CRB1: variants seen among roughly 807,000 people sequenced by gnomAD.
The protein encoded by CRB1 is protein crumbs homolog 1.
In CRB1, 83 loss-of-function variants were observed where a neutral mutation model predicts 120.0. That is an observed-to-expected ratio of 0.69 (90% CI 0.58 to 0.83). The LOEUF is 0.83. Ranked by LOEUF, CRB1 falls within the 40% of genes least tolerant of loss-of-function variation. CRB1 has a pLI of 0.00. For synonymous variants in CRB1, 625 were observed against 612.5 expected, an observed-to-expected ratio of 1.02 and a Z score of -0.30; for missense variants, 1,699 against 1,687.6, an observed-to-expected ratio of 1.01 and a Z score of -0.12.
chr1:197,394,142 G>C lies in CRB1; in HGVS notation c.1172-26858G>C, dbSNP rs1662652318. ...TTTCTTTTGCCTGTGCCATGCTGGA[G>C]ACAACAAGACCAACCCTTCTACTTC... is the stretch of plus-strand genomic sequence containing the variant. On this transcript the variant is annotated intron_variant, in intron 5 of 11. Coordinates refer to ENST00000367400, the MANE Select transcript of CRB1 (RefSeq NM_201253.3). 2.0e-5 allele frequency among the ~76,000 whole-genome samples: 3 copies of C among 152,116 alleles called. No homozygotes were observed. The South Asian group carries it at 6.2e-4, about 32-fold the overall frequency.
intron 5 of CRB1, among the ~76,000 whole-genome samples, chr1:197,369,193 T>G (rs1366066428): frequency 6.6e-6 from 1 of 152,164 alleles, no homozygotes; most frequent in Non-Finnish European, 1.5e-5. Flanking sequence ...TGTTTTTTAT[T>G]AAGCATGTTA....
the CRB1 span, among the ~76,000 whole-genome samples, chr1:197,204,794 T>C: frequency 6.6e-6 from 1 of 152,160 alleles, no homozygotes; most frequent in Non-Finnish European, 1.5e-5. Context: ...CCCATCTATT[T>C]ATCTTTGTTT....
rs536455270 is a variant in CRB1, at chr1:197,409,961, T to G, written c.1172-11039T>G. ...ACCATGCCCGGCTACTTTTTTTGTATTTTTTAGTAGAGACGGGGTTTCACC... is the reference window on the plus strand; with the variant it reads ...ACCATGCCCGGCTACTTTTTTTGTAGTTTTTAGTAGAGACGGGGTTTCACC... On this transcript the variant is annotated intron_variant, in intron 5 of 11. Transcript: ENST00000367400. 1.4e-3 allele frequency among the ~76,000 whole-genome samples: 212 copies of G among 152,156 alleles called. 1 individual carries two copies. The highest frequency in any genetic ancestry group is 0.014 in the South Asian group (65 of 4,814).
intron 2 of CRB1, among the ~76,000 whole-genome samples, chr1:197,339,316 T>A (rs972204287): frequency 6.6e-5 from 10 of 152,184 alleles, no homozygotes; most frequent in Non-Finnish European, 1.0e-4. Flanking sequence ...TTACTGTAAA[T>A]CTATCACTAT....
intron 1 of CRB1, among the ~76,000 whole-genome samples, chr1:197,325,665 T>A (rs1281936980): frequency 6.6e-6 from 1 of 152,110 alleles, no homozygotes; most frequent in Non-Finnish European, 1.5e-5. Context: ...TCTTTTCCTA[T>A]CCCTAGCAGC....
chr1:197,261,635 A>G, the CRB1 span, among the ~76,000 whole-genome samples: 1 of 152,246 alleles, frequency 6.6e-6, no homozygotes, highest in African/African-American at 2.4e-5. Flanking sequence ...ATTAACAAAT[A>G]ACAATGATTA....
chr1:197,221,040 G>A, the CRB1 span, among the ~76,000 whole-genome samples: 1 of 152,130 alleles, frequency 6.6e-6, no homozygotes, highest in Admixed American at 6.5e-5. Flanking sequence ...GTCTTCTAAC[G>A]GGCAGGCTAA....
intron 1 of CRB1, among the ~76,000 whole-genome samples, chr1:197,282,449 A>G (rs1398776031): frequency 6.6e-6 from 1 of 151,866 alleles, no homozygotes; most frequent in Non-Finnish European, 1.5e-5. Flanking sequence ...AAATGAGAGC[A>G]AAAAATAGCA....
At chr1:197,205,430 C>T in the CRB1 span, among the ~76,000 whole-genome samples, 1 of 152,064 alleles carries the variant, frequency 6.6e-6, no homozygotes, top group African/African-American at 2.4e-5. Flanking sequence ...CCTTCTATGC[C>T]GATTTTGCTG....
chr1:197,209,501 A>G, the CRB1 span, among the ~76,000 whole-genome samples: 68 of 152,162 alleles, frequency 4.5e-4, 2 homozygotes, highest in Non-Finnish European at 4.4e-5. Context: ...GAGTGCCACC[A>G]TGCCTGGCTA....
Position 197,378,996 on chromosome 1 carries a change from T to C in CRB1, c.1171+21983T>C, listed in dbSNP as rs971053691. On this transcript the variant is annotated intron_variant, in intron 5 of 11. Coordinates refer to ENST00000367400, the MANE Select transcript of CRB1 (RefSeq NM_201253.3). Reference sequence around the variant, plus strand: ...GTGACAGAGGCAAAATTCAGTTCAATCATCAAAACATTTTCAGATAATTAA... The same window carrying C: ...GTGACAGAGGCAAAATTCAGTTCAACCATCAAAACATTTTCAGATAATTAA... Among the ~76,000 whole-genome samples, 35 of 152,326 alleles carry C rather than the reference T, an allele frequency of 2.3e-4. 1 individual carries two copies. The highest frequency in any genetic ancestry group is 7.5e-4 in the African/African-American group (31 of 41,586).
chr1:197,309,276 A>G (rs1657366718), intron 1 of CRB1, among the ~76,000 whole-genome samples: 1 of 152,124 alleles, frequency 6.6e-6, no homozygotes, highest in Admixed American at 6.5e-5. Flanking sequence ...TCTACAGAAG[A>G]TCTTTGAATT....
chr1:197,317,484 GA>G lies in CRB1; in HGVS notation c.71-10928del, dbSNP rs201907412. On this transcript the variant is annotated intron_variant, in intron 1 of 11. Transcript: ENST00000367400. Reference sequence around the variant, plus strand: ...ACCAATGACAATCTTCCCAAAATGAGAAAAAAAAAATCTTAAAATTTGTGTG... The same window carrying G: ...ACCAATGACAATCTTCCCAAAATGAGAAAAAAAAATCTTAAAATTTGTGTG... Among the ~76,000 whole-genome samples, 22 of 149,458 alleles carry G rather than the reference GA, an allele frequency of 1.5e-4. No individual in the cohort carries two copies. In the East Asian group the frequency reaches 2.0e-3, roughly 13 times the overall value.
intron 4 of CRB1, among the ~76,000 whole-genome samples, chr1:197,353,097 TA>T (rs1660199741): frequency 6.6e-6 from 1 of 152,148 alleles, no homozygotes; most frequent in East Asian, 1.9e-4. Context: ...AATCAATATA[TA>T]TTTAAAATTA....
chr1:197,228,293 A>G, the CRB1 span, among the ~76,000 whole-genome samples: 4 of 152,222 alleles, frequency 2.6e-5, no homozygotes, highest in South Asian at 2.1e-4. Flanking sequence ...CTGAACTTTT[A>G]TGCTCTTTTT....
At chr1:197,445,801 A>C (rs1037945465) in intron 11 of CRB1, among the ~76,000 whole-genome samples, 2 of 152,214 alleles carry the variant, frequency 1.3e-5, no homozygotes, top group African/African-American at 4.8e-5. Flanking sequence ...TGTTTAATGT[A>C]TGTCTACTAT....
chr1:197,278,699 C>G (rs1237365211), intron 1 of CRB1, among the ~76,000 whole-genome samples: 1 of 151,878 alleles, frequency 6.6e-6, no homozygotes. Flanking sequence ...GTTTTCTACT[C>G]CATCTTTTTT....
At chr1:197,349,457 G>GA (rs776482563) in intron 4 of CRB1, among the ~76,000 whole-genome samples, 30 of 152,140 alleles carry the variant, frequency 2.0e-4, no homozygotes, top group Admixed American at 1.7e-3. Flanking sequence ...TATTTACTGG[G>GA]AAAAAATGAT....
chr1:197,464,655 A>T (rs1259518200), intron 11 of CRB1, among the ~76,000 whole-genome samples: 1 of 152,216 alleles, frequency 6.6e-6, no homozygotes, highest in African/African-American at 2.4e-5. Flanking sequence ...CACTAAGAGG[A>T]ATACTTTCTC....
Sources: allele counts gnomAD v4.1 joint callset (sites outside exome capture counted in the v4.1 genomes callset), GRCh38; gene constraint gnomAD v4.1.1; transcripts MANE v1.5; gene names NCBI Gene and HGNC (gene_info 2026-07-23, HGNC 2026-07-21).